GAS2L3: variants seen among roughly 807,000 people sequenced by gnomAD.
GAS2L3 encodes the protein GAS2-like protein 3.
Under a neutral mutation model 37.0 loss-of-function variants are expected in GAS2L3, and 28 were observed. That is an observed-to-expected ratio of 0.76 (90% CI 0.56 to 1.04). The LOEUF (loss-of-function observed/expected upper bound fraction) is 1.04. Among genes scored for constraint, GAS2L3 ranks in the 50% least tolerant of loss-of-function variants. The probability of loss-of-function intolerance (pLI) is 0.00; values close to 1 mark genes in which losing one functional copy is unlikely to be tolerated. For synonymous variants in GAS2L3, 290 were observed against 296.6 expected (o/e 0.98, Z 0.23); for missense variants, 793 against 817.6 (o/e 0.97, Z 0.37).
intron 6 of GAS2L3, among the ~76,000 whole-genome samples, chr12:100,617,014 T>G (rs941307190): frequency 2.0e-5 from 3 of 151,626 alleles, no homozygotes; most frequent in Non-Finnish European, 4.4e-5. Flanking sequence ...GTTTGTTCAG[T>G]CTTTTTTTTT....
intron 1 of GAS2L3, among the ~76,000 whole-genome samples, chr12:100,582,353 C>T (rs1191053062): frequency 6.6e-6 from 1 of 152,222 alleles, no homozygotes; most frequent in Non-Finnish European, 1.5e-5. Context: ...AAGGCAGGAA[C>T]TGCCTATTTT....
chr12:100,600,357 G>A, intron 3 of GAS2L3, 25 bp from the exon 4 acceptor site: 3 of 1,494,390 alleles, frequency 2.0e-6, no homozygotes, highest in Non-Finnish European at 2.7e-6. Flanking sequence ...TATTCATTCA[G>A]TTGATTGATT....
At chr12:100,618,684 C>T in intron 8 of GAS2L3, 97 bp downstream of exon 8, 2 of 1,097,622 alleles carry the variant, frequency 1.8e-6, no homozygotes, top group Non-Finnish European at 2.6e-6. Flanking sequence ...TTTTTAAAAG[C>T]AAGTGTTTCT....
At chr12:100,579,192 T>A in intron 1 of GAS2L3, 1 of 640,532 alleles carries the variant, frequency 1.6e-6, no homozygotes, top group Non-Finnish European at 2.9e-6. Context: ...CTTCAAACAG[T>A]CTTAACAGAC....
intron 1 of GAS2L3, among the ~76,000 whole-genome samples, chr12:100,590,981 G>GTA (rs1955839648): frequency 6.6e-6 from 1 of 151,918 alleles, no homozygotes. Context: ...ATGGTGCAGT[G>GTA]TATACTGCTC....
rs563019742 is a variant in GAS2L3, at chr12:100,604,661, T to G, written c.303+2908T>G. Among the ~76,000 whole-genome samples the G allele has an allele frequency of 1.8e-4, 27 of 152,106 alleles. 1 individual carries two copies. The East Asian group carries it at 3.1e-3, about 17-fold the overall frequency. ...ATAACAGTGATGAAAGTGGGCATCC[T>G]TGTTGTGGTCCAGACCTTAGAGGAA... On this transcript the variant is annotated intron_variant, in intron 5 of 9. Coordinates refer to ENST00000547754, the MANE Select transcript of GAS2L3 (RefSeq NM_174942.3).
chr12:100,589,419 A>G (rs1955819334), intron 1 of GAS2L3, among the ~76,000 whole-genome samples: 1 of 152,222 alleles, frequency 6.6e-6, no homozygotes, highest in African/African-American at 2.4e-5. Context: ...GAAACAAATC[A>G]TAGACAACAT....
chr12:100,578,555 A>G (rs546073416), intron 1 of GAS2L3: 1 of 171,250 alleles, frequency 5.8e-6, no homozygotes, highest in East Asian at 1.6e-4. Context: ...CTAATTGTAT[A>G]TCATATTTTG....
chr12:100,616,015 G>GA (rs143757345), intron 6 of GAS2L3, among the ~76,000 whole-genome samples: 2,944 of 149,726 alleles, frequency 0.02, 77 homozygotes, highest in African/African-American at 0.062. Flanking sequence ...TCCATTTCTG[G>GA]AAAAAAAAAG....
At chr12:100,579,306 G>T (rs188646283) in intron 1 of GAS2L3, 1 of 642,718 alleles carries the variant, frequency 1.6e-6, no homozygotes, top group Non-Finnish European at 2.9e-6. Flanking sequence ...TCTTATACTA[G>T]TAAGGAAAAT....
At chr12:100,602,408 A>C (rs1956002054) in intron 5 of GAS2L3, among the ~76,000 whole-genome samples, 1 of 151,994 alleles carries the variant, frequency 6.6e-6, no homozygotes, top group African/African-American at 2.4e-5. Flanking sequence ...TGGTGGAAAT[A>C]TAAAGGAGTA....
At chr12:100,599,813 A>T (rs1255326154) in intron 3 of GAS2L3, among the ~76,000 whole-genome samples, 1 of 152,236 alleles carries the variant, frequency 6.6e-6, no homozygotes, top group Non-Finnish European at 1.5e-5. Context: ...TGTTAAACTT[A>T]CTCAGCTAAC....
At chr12:100,604,014 T>C (rs1406871892) in intron 5 of GAS2L3, among the ~76,000 whole-genome samples, 2 of 151,898 alleles carry the variant, frequency 1.3e-5, no homozygotes, top group East Asian at 3.9e-4. Flanking sequence ...AGTACCATAC[T>C]GTTTTGGTTG....
chr12:100,611,936 A>C (rs962982311), intron 5 of GAS2L3, 64 bp from the exon 6 acceptor site: 1 of 1,109,548 alleles, frequency 9.0e-7, no homozygotes, highest in African/African-American at 1.6e-5. Context: ...TAGCAATATC[A>C]AAATGAATGT....
In GAS2L3 at chr12:100,627,833, T is replaced by A. The variant is rs972022717; in HGVS notation, c.*2943T>A. The A allele has an allele frequency of 6.6e-6, 1 of 152,224 alleles. No homozygotes were observed. The highest frequency in any genetic ancestry group is 2.1e-4 in the South Asian group (1 of 4,836). The allele number at this position is 152,224 out of a possible 1,614,324, so 9.4% of individuals were successfully genotyped here. ...GAAGTACCTGGGAGAAGTAATGATG[T>A]GTACTTTCAAAAAAATGGAAAATGC... On this transcript the variant is annotated 3_prime_UTR_variant, in exon 10 of 10. Coordinates refer to ENST00000547754, the MANE Select transcript of GAS2L3 (RefSeq NM_174942.3).
chr12:100,579,303 C>A, intron 1 of GAS2L3: 2 of 639,684 alleles, frequency 3.1e-6, no homozygotes, highest in East Asian at 2.6e-5. Context: ...GTTTCTTATA[C>A]TAGTAAGGAA....
intron 8 of GAS2L3, among the ~76,000 whole-genome samples, chr12:100,621,330 G>A (rs1049941194): frequency 2.6e-5 from 4 of 151,936 alleles, no homozygotes; most frequent in Non-Finnish European, 4.4e-5. Flanking sequence ...TCAGTCATAG[G>A]TATTTCAACA....
intron 1 of GAS2L3, among the ~76,000 whole-genome samples, chr12:100,588,969 A>G (rs868055356): frequency 9.9e-5 from 15 of 152,162 alleles, no homozygotes; most frequent in African/African-American, 3.4e-4. Context: ...CACTGATTTC[A>G]TATTGTTAAA....
intron 3 of GAS2L3, among the ~76,000 whole-genome samples, chr12:100,597,146 A>G (rs1955922593): frequency 6.6e-6 from 1 of 152,032 alleles, no homozygotes; most frequent in Non-Finnish European, 1.5e-5. Flanking sequence ...ATGATTTTAA[A>G]AAAACCACCC....
Sources: gnomAD v4.1 joint callset for allele counts (sites outside exome capture counted in the v4.1 genomes callset) on GRCh38, gnomAD v4.1.1 for gene constraint, MANE v1.5 for transcripts, NCBI Gene and HGNC (gene_info 2026-07-23, HGNC 2026-07-21) for gene names.